Variants in MAMDC2 observed in about 807,000 individuals in gnomAD.
MAMDC2 encodes the protein MAM domain-containing protein 2.
In MAMDC2, 57 loss-of-function variants were observed where a neutral mutation model predicts 89.8. The observed-to-expected ratio is 0.63, with a 90% CI of 0.51 to 0.79. The LOEUF (loss-of-function observed/expected upper bound fraction) is 0.79. Among genes scored for constraint, MAMDC2 ranks in the 30% least tolerant of loss-of-function variants. The pLI is 0.00. For synonymous variants in MAMDC2, 313 were observed against 293.4 expected, an observed-to-expected ratio of 1.07 and a Z score of -0.68; for missense variants, 800 against 820.6, an observed-to-expected ratio of 0.97 and a Z score of 0.31.
chr9:70,166,218 G>A (rs1290692240), intron 9 of MAMDC2, among the ~76,000 whole-genome samples: 1 of 149,918 alleles, frequency 6.7e-6, no homozygotes, highest in African/African-American at 2.5e-5. Context: ...TCTAGCCTGG[G>A]CGACAAGAGC....
intron 11 of MAMDC2, among the ~76,000 whole-genome samples, chr9:70,179,087 T>C (rs777470654): frequency 6.6e-5 from 10 of 152,162 alleles, no homozygotes; most frequent in Non-Finnish European, 1.2e-4. Flanking sequence ...AGAACACTTA[T>C]CATAGGAAAC....
At chr9:70,089,276 G>A (rs1827836714) in intron 2 of MAMDC2, 1 of 152,162 alleles carries the variant, frequency 6.6e-6, no homozygotes, top group Admixed American at 6.6e-5. Context: ...AAATTCCAGA[G>A]GGGCTTTCTG....
chr9:70,051,573 A>G (rs2117984302), intron 2 of MAMDC2, among the ~76,000 whole-genome samples: 1 of 152,342 alleles, frequency 6.6e-6, no homozygotes, highest in Non-Finnish European at 1.5e-5. Context: ...AGATCACCCC[A>G]GCATCAGTCT....
intron 11 of MAMDC2, among the ~76,000 whole-genome samples, chr9:70,185,300 T>C (rs2032729120): frequency 2.0e-5 from 3 of 152,300 alleles, no homozygotes; most frequent in South Asian, 2.1e-4. Flanking sequence ...AGAGCTCTCC[T>C]GTAAGAGGTG....
intron 5 of MAMDC2, among the ~76,000 whole-genome samples, chr9:70,124,969 C>A (rs1294040618): frequency 1.3e-5 from 2 of 152,176 alleles, no homozygotes; most frequent in Non-Finnish European, 2.9e-5. Flanking sequence ...CCTCAGCCTC[C>A]CAAAGTGTTG....
intron 11 of MAMDC2, among the ~76,000 whole-genome samples, chr9:70,200,709 G>C (rs2033083949): frequency 7.2e-6 from 1 of 137,976 alleles, no homozygotes; most frequent in South Asian, 2.4e-4. Flanking sequence ...CCATTTGTTT[G>C]TATCCTCTTT....
chr9:70,066,032 T>G (rs1827254545), intron 2 of MAMDC2, among the ~76,000 whole-genome samples: 1 of 152,180 alleles, frequency 6.6e-6, no homozygotes, highest in Non-Finnish European at 1.5e-5. Context: ...CTCCTGAAAC[T>G]TATATTCTGG....
intron 8 of MAMDC2, among the ~76,000 whole-genome samples, chr9:70,142,467 G>A (rs2031255934): frequency 6.6e-6 from 1 of 152,190 alleles, no homozygotes; most frequent in Non-Finnish European, 1.5e-5. Flanking sequence ...AGATGAAACT[G>A]AGGTTTCAAA....
chr9:70,224,316 T>C (rs1209405473), intron 12 of MAMDC2, among the ~76,000 whole-genome samples: 1 of 152,166 alleles, frequency 6.6e-6, no homozygotes, highest in Non-Finnish European at 1.5e-5. Context: ...GCTGAGATGC[T>C]ATATTCAAGC....
intron 9 of MAMDC2, among the ~76,000 whole-genome samples, chr9:70,155,631 A>T (rs1246187372): frequency 6.6e-6 from 1 of 152,116 alleles, no homozygotes; most frequent in African/African-American, 2.4e-5. Flanking sequence ...GTACCCATTT[A>T]AGTTGCCAAT....
At chr9:70,151,125 C>A (rs1361142060) in intron 9 of MAMDC2, among the ~76,000 whole-genome samples, 1 of 152,212 alleles carries the variant, frequency 6.6e-6, no homozygotes, top group East Asian at 1.9e-4. Flanking sequence ...CAGTGCTCTG[C>A]ACAGGGGGTG....
chr9:70,114,562 CT>C (rs2029884922), intron 5 of MAMDC2, among the ~76,000 whole-genome samples: 2 of 152,118 alleles, frequency 1.3e-5, no homozygotes, highest in Admixed American at 1.3e-4. Flanking sequence ...ATTCAGGCTT[CT>C]TAGAATAAGC....
chr9:70,190,134 A>G (rs1277019976), intron 11 of MAMDC2, among the ~76,000 whole-genome samples: 1 of 152,136 alleles, frequency 6.6e-6, no homozygotes, highest in East Asian at 1.9e-4. Context: ...GTGTATGGGC[A>G]ATAGTTTCCT....
At chr9:70,118,000 TAAGG>T (rs1349655882) in intron 5 of MAMDC2, among the ~76,000 whole-genome samples, 2 of 152,132 alleles carry the variant, frequency 1.3e-5, no homozygotes, top group Admixed American at 6.5e-5. Flanking sequence ...AAGGCCCTCT[TAAGG>T]AAGTAATAGT....
At chr9:70,044,888 G>T (rs757495484) in intron 2 of MAMDC2, among the ~76,000 whole-genome samples, 191 bp downstream of exon 2, 24 of 152,250 alleles carry the variant, frequency 1.6e-4, no homozygotes, top group Non-Finnish European at 2.9e-4. Context: ...CGGGCGGGAG[G>T]CCGCCCTTTG....
At chr9:70,201,889 C>A (rs1259546562) in intron 11 of MAMDC2, among the ~76,000 whole-genome samples, 1 of 138,246 alleles carries the variant, frequency 7.2e-6, no homozygotes, top group African/African-American at 2.8e-5. Context: ...TCTGTGGGAT[C>A]GGTGGTGATA....
At chr9:70,062,491 A>G (rs568203519) in intron 2 of MAMDC2, 2 of 152,326 alleles carry the variant, frequency 1.3e-5, no homozygotes, top group African/African-American at 4.8e-5. Flanking sequence ...ATACCAAACA[A>G]AAAGATCAGA....
intron 2 of MAMDC2, among the ~76,000 whole-genome samples, chr9:70,104,709 T>C (rs964424722): frequency 1.3e-5 from 2 of 152,214 alleles, no homozygotes; most frequent in Non-Finnish European, 2.9e-5. Context: ...TATATAATTC[T>C]ATTTATATAA....
chr9:70,074,389 T>C (rs967014290), intron 2 of MAMDC2, among the ~76,000 whole-genome samples: 12 of 152,362 alleles, frequency 7.9e-5, no homozygotes, highest in African/African-American at 2.4e-4. Context: ...TTTGAGTCTG[T>C]TCTGTAACTG....
Sources: allele counts gnomAD v4.1 joint callset (sites outside exome capture counted in the v4.1 genomes callset), GRCh38; gene constraint gnomAD v4.1.1; transcripts MANE v1.5; gene names NCBI Gene and HGNC (gene_info 2026-07-23, HGNC 2026-07-21).